The following ASGR2 variants were observed in gnomAD, a reference collection of about 807,000 sequenced individuals.
ASGR2 encodes C-type lectin domain family 4 member H2.
A neutral mutation model predicts 32.3 loss-of-function variants in ASGR2; 34 were observed. That is an observed-to-expected ratio of 1.05 (90% CI 0.80 to 1.40). The LOEUF is 1.40. Among genes scored for constraint, ASGR2 ranks in the 40% most tolerant of loss-of-function variants. The pLI is 0.00. For synonymous variants in ASGR2, 143 were observed against 150.0 expected (o/e 0.95, Z 0.34); for missense variants, 385 against 386.4 (o/e 1.00, Z 0.03).
At chr17:7,114,833 G>A, upstream of ASGR2, 1 of 987,912 alleles carries the variant, frequency 1.0e-6, no homozygotes, top group Non-Finnish European at 1.2e-6. The surrounding 1 kb of genome is among the most constrained non-coding windows in gnomAD (Gnocchi z 4.5). Context: ...AAACAGAAGA[G>A]GAAACAGAGC....
rs753992025 is a variant in ASGR2 at position 7,101,615 on chromosome 17, A to G, written c.881T>C (p.Val294Ala). 16 of 1,614,020 alleles carry G rather than the reference A, an allele frequency of 9.9e-6. No homozygotes were observed. The highest frequency in any genetic ancestry group is 1.4e-5 in the Non-Finnish European group (16 of 1,180,026). ...GGTGGCATTCCGCCTTTTCTCACAC[A>G]CCCAGCGGTACACCTGCAGGCAGAA... ...DDFCLQVYRW[V>A]CEKRRNATGE... The change falls in exon 9 of 9, where the codon GTG becomes GCG. Residue 294 changes from valine to alanine, a missense_variant. By Grantham distance (64) the Val-to-Ala change is moderately conservative. Transcript: ENST00000691900.
At position 7,108,978 on chromosome 17, in the gene ASGR2, T is replaced by C; in HGVS notation, c.125-90A>G. On this transcript the variant is annotated intron_variant, in intron 2 of 8. Transcript: ENST00000691900. This position sits in a 1 kb window ranked among gnomAD's most constrained non-coding sequence, Gnocchi z 4.9. ...CACCGAAGCCTGAGGAGGCATAACC[T>C]GGGCGGGGGGATTGGTTGGGGCCAT... 13 of 594,952 alleles carry C rather than the reference T, an allele frequency of 2.2e-5. No homozygotes were observed. The highest frequency in any genetic ancestry group is 3.4e-5 in the Admixed American group (1 of 29,226). The allele number at this position is 594,952 out of a possible 1,614,324, so 36.9% of individuals were successfully genotyped here. A position where few individuals can be genotyped will look rare whatever the true frequency, so the allele number is the denominator to read the frequency against.
In ASGR2 at chr17:7,114,519, C is replaced by A; in HGVS notation, c.-71+96G>T. 8.1e-7 allele frequency: 1 copy of A among 1,238,136 alleles called. No individual in the cohort carries two copies. The highest frequency in any genetic ancestry group is 1.0e-6 in the Non-Finnish European group (1 of 982,484). 76.7% of individuals were successfully genotyped at this position (1,238,136 alleles called of 1,614,324 possible). On this transcript the variant is annotated intron_variant, in intron 1 of 8. Coordinates refer to ENST00000691900, the MANE Select transcript of ASGR2 (RefSeq NM_001201352.2). The surrounding 1 kb of genome is among the most constrained non-coding windows in gnomAD (Gnocchi z 4.5). The stretch of plus-strand genomic sequence containing the variant: ...CCCTCCCCACGCTCATGGACCCGAC[C>A]ACCCACAGCTTCCCATGGGGTCCTC...
rs1912782447 is a variant in ASGR2 at position 7,101,378 on chromosome 17, A to G, written c.*197T>C. The stretch of plus-strand genomic sequence containing the variant: ...GCCATTGAAGAGGCTGACGATTATA[A>G]TAATTACAATGAATTACAGAAGGAG... On this transcript the variant is annotated 3_prime_UTR_variant, in exon 9 of 9. Transcript: ENST00000691900. The G allele has an allele frequency of 4.9e-6, 3 of 614,258 alleles. No individual in the cohort carries two copies. Among genetic ancestry groups the G allele is most frequent in the Non-Finnish European group, 8.1e-6 (3 of 370,612 alleles). The allele number at this position is 614,258 out of a possible 1,614,324, so 38.1% of individuals were successfully genotyped here. A position where few individuals can be genotyped will look rare whatever the true frequency, so the allele number is the denominator to read the frequency against.
In ASGR2 at chr17:7,108,414, C is replaced by T; in HGVS notation, c.337+48G>A. On this transcript the variant is annotated intron_variant, in intron 4 of 8. Transcript: ENST00000691900. The surrounding 1 kb of genome is among the most constrained non-coding windows in gnomAD (Gnocchi z 4.9). ...CCTGTTGCAGACTCGGCACTGAGCC[C>T]AGCAAACCTGTGCGGATAAATGAGA... 1 of 1,540,238 alleles carries T rather than the reference C, an allele frequency of 6.5e-7. No individual in the cohort carries two copies. Among genetic ancestry groups the T allele is most frequent in the South Asian group, 1.2e-5 (1 of 82,114 alleles).
intron 2 of ASGR2, among the ~76,000 whole-genome samples, chr17:7,112,338 C>T (rs568505440): frequency 1.3e-5 from 2 of 151,950 alleles, no homozygotes; most frequent in African/African-American, 4.8e-5. Flanking sequence ...CCCCCAGCCC[C>T]CACCACCCGG....
rs1385812206 is a variant in ASGR2, at chr17:7,107,356, G to T, written c.410-39C>A. On this transcript the variant is annotated intron_variant, in intron 5 of 8. Transcript: ENST00000691900. This position sits in a 1 kb window ranked among gnomAD's most constrained non-coding sequence, Gnocchi z 5.0. ...GCTGAAAGTGCTGCCGGCAGGTGTG[G>T]TCCCCACCTGCTAGGCTCCAGCCTG... 1 of 1,599,424 alleles carries T rather than the reference G, an allele frequency of 6.3e-7. No individual in the cohort carries two copies.
rs759815660 is a variant in ASGR2, at chr17:7,114,215, T to C, written c.26A>G (p.Gln9Arg). ...GTCATTTTCCTCCGAGCTCAGCTGC[T>C]GGATATCTTGAAAGTCCTTGGCCAT... MAKDFQDIQQLSSEENDHP... is the reference protein window; with the variant it reads MAKDFQDIRQLSSEENDHP... The change falls in exon 2 of 9, where the codon CAG becomes CGG. Residue 9 changes from glutamine to arginine, a missense_variant. Transcript: ENST00000691900. The surrounding 1 kb of genome is among the most constrained non-coding windows in gnomAD (Gnocchi z 4.5). 3 of 1,614,062 alleles carry C rather than the reference T, an allele frequency of 1.9e-6. No individual in the cohort carries two copies. Among genetic ancestry groups the C allele is most frequent in the Non-Finnish European group, 2.5e-6 (3 of 1,180,040 alleles).
chr17:7,107,203 C>T lies in ASGR2; in HGVS notation c.496+28G>A, dbSNP rs749227537. On this transcript the variant is annotated intron_variant, in intron 6 of 8. Transcript: ENST00000691900. This position sits in a 1 kb window ranked among gnomAD's most constrained non-coding sequence, Gnocchi z 5.0. ...AGATCCAGCCGGAGGGGCAGGCACA[C>T]TGGGCCTGGAGACGGCCCCACCCCT... 4 of 1,614,090 alleles carry T rather than the reference C, an allele frequency of 2.5e-6. No individual in the cohort carries two copies. The South Asian group carries it at 3.3e-5, about 13-fold the overall frequency.
rs775565123 is a variant in ASGR2, at chr17:7,108,859, G to T, written c.154C>A (p.Arg52Ser). 6.2e-7 allele frequency: 1 copy of T among 1,603,402 alleles called. No homozygotes were observed. The highest frequency in any genetic ancestry group is 1.1e-5 in the South Asian group (1 of 89,544). ...CTGAAGCAGACCATGGAGCAGAGAC[G>T]CTGTGCCAGGGGCTGGGCAGGAGGT... is the stretch of plus-strand genomic sequence containing the variant. ...GPPPAQPLAQ[R>S]LCSMVCFSLL... The change falls in exon 3 of 9, where the codon CGT (arginine) becomes AGT (serine). Residue 52 changes from arginine (R) to serine (S), a missense_variant. By Grantham distance (110) the Arg-to-Ser change is moderately radical. Coordinates refer to ENST00000691900, the MANE Select transcript of ASGR2 (RefSeq NM_001201352.2). This position sits in a 1 kb window ranked among gnomAD's most constrained non-coding sequence, Gnocchi z 4.9.
chr17:7,110,226 T>C (rs1353425241), intron 2 of ASGR2, among the ~76,000 whole-genome samples: 2 of 152,046 alleles, frequency 1.3e-5, no homozygotes, highest in African/African-American at 4.8e-5. Context: ...CAGGACCCCA[T>C]TTGACCCAGG....
rs761784381 is a variant in ASGR2 at position 7,108,519 on chromosome 17, C to G, written c.280G>C (p.Ala94Pro). ...LQAELRSLKE[A>P]FSNFSSSTLT... ...GTGCTCGAGGAGAAGTTGCTGAAAGCTTCCTTCAGGCTCCGCAGCTCGGCT... is the reference window on the plus strand; with the variant it reads ...GTGCTCGAGGAGAAGTTGCTGAAAGGTTCCTTCAGGCTCCGCAGCTCGGCT... The change falls in exon 4 of 9, where the codon GCT becomes CCT. Residue 94 changes from alanine (A) to proline (P), a missense_variant. Ala to Pro is a conservative substitution (Grantham distance 27). Coordinates refer to ENST00000691900, the MANE Select transcript of ASGR2 (RefSeq NM_001201352.2). The surrounding 1 kb of genome is among the most constrained non-coding windows in gnomAD (Gnocchi z 4.9). 1.2e-6 allele frequency: 2 copies of G among 1,610,286 alleles called. No homozygotes were observed. Among genetic ancestry groups the G allele is most frequent in the Admixed American group, 3.4e-5 (2 of 59,432 alleles).
intron 7 of ASGR2, among the ~76,000 whole-genome samples, chr17:7,106,370 G>A (rs909440606): frequency 9.2e-5 from 14 of 152,182 alleles, no homozygotes; most frequent in Non-Finnish European, 1.9e-4. Flanking sequence ...AAGTTGTAGT[G>A]GTCATGAGCT....
chr17:7,110,861 AG>A (rs1914535010), intron 2 of ASGR2, among the ~76,000 whole-genome samples: 1 of 152,230 alleles, frequency 6.6e-6, no homozygotes, highest in South Asian at 2.1e-4. Flanking sequence ...AGCAAACAAC[AG>A]GAACCCTCCG....
At chr17:7,114,964 T>C, upstream of ASGR2, 1 of 985,154 alleles carries the variant, frequency 1.0e-6, no homozygotes, top group Non-Finnish European at 1.2e-6. The surrounding 1 kb of genome is among the most constrained non-coding windows in gnomAD (Gnocchi z 4.5). Flanking sequence ...ATTGCACCAT[T>C]TGGAAGGGGT....
rs766527167 is a variant in ASGR2, at chr17:7,107,913, A to G, written c.338-6T>C. 87 of 1,613,876 alleles carry G rather than the reference A, an allele frequency of 5.4e-5. No homozygotes were observed. The Middle Eastern group carries it at 1.5e-3, about 28-fold the overall frequency. ...CTTGTCACCCACGCTGCCTCCTGGA[A>G]GCGGAAAGCCAGCTGTTTCCCCGCT... is the stretch of plus-strand genomic sequence containing the variant. On this transcript the variant is annotated splice_polypyrimidine_tract_variant and splice_region_variant and intron_variant, in intron 4 of 8. Transcript: ENST00000691900. The surrounding 1 kb of genome is among the most constrained non-coding windows in gnomAD (Gnocchi z 5.0).
chr17:7,111,048 G>A (rs314236), intron 2 of ASGR2, among the ~76,000 whole-genome samples: 96,418 of 152,106 alleles, frequency 0.63, 31,287 homozygotes, highest in South Asian at 0.78. Context: ...ACTGCATCCC[G>A]GAGCAAAGCT....
In ASGR2 at chr17:7,108,730, C is replaced by T. The variant is rs373654317; in HGVS notation, c.241+42G>A. 96 of 1,613,910 alleles carry T rather than the reference C, an allele frequency of 5.9e-5. No homozygotes were observed. The highest frequency in any genetic ancestry group is 8.0e-5 in the Non-Finnish European group (94 of 1,179,844). On this transcript the variant is annotated intron_variant, in intron 3 of 8. Transcript: ENST00000691900. This position sits in a 1 kb window ranked among gnomAD's most constrained non-coding sequence, Gnocchi z 4.9. ...TGCCCGCCACTGCCCATGTCTCTTTCCCTACCCCTTGCCCATCCCTGCTGG... is the reference window on the plus strand; with the variant it reads ...TGCCCGCCACTGCCCATGTCTCTTTTCCTACCCCTTGCCCATCCCTGCTGG...
chr17:7,113,780 TACAC>T lies in ASGR2; in HGVS notation c.124+333_124+336del, dbSNP rs575558668. On this transcript the variant is annotated intron_variant, in intron 2 of 8. Transcript: ENST00000691900. This position sits in a 1 kb window ranked among gnomAD's most constrained non-coding sequence, Gnocchi z 5.1. ...ACATATGCACGCTCTCGCGCACATA[TACAC>T]ACACACAACATTCACTCACACACAC... Among the ~76,000 whole-genome samples the T allele has an allele frequency of 5.8e-4, 79 of 136,664 alleles. No homozygotes were observed. The highest frequency in any genetic ancestry group is 9.5e-5 in the Non-Finnish European group (6 of 63,490). The allele number at this position is 136,664 out of a possible 152,430, so 89.7% of individuals were successfully genotyped here.
Sources: allele counts gnomAD v4.1 joint callset (sites outside exome capture counted in the v4.1 genomes callset), GRCh38; gene constraint gnomAD v4.1.1; non-coding constraint Gnocchi (gnomAD v3.1); transcripts MANE v1.5; gene names NCBI Gene and HGNC (gene_info 2026-07-23, HGNC 2026-07-21).